The following CSMD1 variants were observed in gnomAD, a reference collection of about 807,000 sequenced individuals.
CSMD1 encodes CUB and Sushi multiple domains 1.
Under a neutral mutation model 417.5 loss-of-function variants are expected in CSMD1, and 213 were observed. That is an observed-to-expected ratio of 0.51 (90% CI 0.46 to 0.57). The LOEUF is 0.57. Among genes scored for constraint, CSMD1 ranks in the 20% least tolerant of loss-of-function variants. CSMD1 has a pLI of 0.00. For synonymous variants in CSMD1, 2,862 were observed against 1,736.8 expected (o/e 1.65, Z -16.11); for missense variants, 6,923 against 4,529.7 (o/e 1.53, Z -15.17).
intron 20 of CSMD1, among the ~76,000 whole-genome samples, chr8:3,361,893 T>C (rs899218990): frequency 1.6e-4 from 25 of 152,178 alleles, no homozygotes; most frequent in Admixed American, 1.4e-3. Context: ...GTTGTAACCA[T>C]CTTGATTAGG....
At chr8:4,169,358 C>A (rs926097929) in intron 3 of CSMD1, among the ~76,000 whole-genome samples, 1 of 152,130 alleles carries the variant, frequency 6.6e-6, no homozygotes, top group Non-Finnish European at 1.5e-5. Context: ...TAAATGGCGA[C>A]TGCGTTTTCC....
At chr8:3,566,578 T>C (rs762977312) in intron 10 of CSMD1, among the ~76,000 whole-genome samples, 9 of 132,214 alleles carry the variant, frequency 6.8e-5, no homozygotes, top group East Asian at 2.0e-4. Context: ...AAAAAGAACT[T>C]AGATTTTCAA....
chr8:4,286,676 G>C (rs1470160816), intron 3 of CSMD1, among the ~76,000 whole-genome samples: 1 of 152,166 alleles, frequency 6.6e-6, no homozygotes, highest in Admixed American at 6.6e-5. Context: ...TACTGATTTT[G>C]TAGGGCCACA....
chr8:4,916,729 G>A (rs541445695), intron 1 of CSMD1, among the ~76,000 whole-genome samples: 79 of 152,220 alleles, frequency 5.2e-4, no homozygotes, highest in African/African-American at 1.6e-3. Context: ...TTGTGATATC[G>A]CAAAGAATAA....
chr8:3,764,032 C>A (rs995329193), intron 5 of CSMD1, among the ~76,000 whole-genome samples: 1 of 152,146 alleles, frequency 6.6e-6, no homozygotes. Flanking sequence ...TGGCACACAG[C>A]CACCCCTTGT....
intron 41 of CSMD1, among the ~76,000 whole-genome samples, chr8:3,123,609 GA>G (rs11390313): frequency 7.6e-4 from 115 of 150,898 alleles, no homozygotes; most frequent in Admixed American, 6.2e-3. Flanking sequence ...AAAACGTTAA[GA>G]AAAAAAAACA....
chr8:4,269,379 C>A (rs1203690050), intron 3 of CSMD1, among the ~76,000 whole-genome samples: 2 of 152,142 alleles, frequency 1.3e-5, no homozygotes, highest in South Asian at 2.1e-4. Flanking sequence ...TTTTCATCTT[C>A]ATTGTGCTTT....
At chr8:3,941,413 T>C (rs940254460) in intron 5 of CSMD1, among the ~76,000 whole-genome samples, 5 of 152,154 alleles carry the variant, frequency 3.3e-5, no homozygotes, top group Admixed American at 6.6e-5. Context: ...AAATTGTAAA[T>C]ATTTCTGTCC....
chr8:4,732,759 A>T (rs1211570921), intron 1 of CSMD1, among the ~76,000 whole-genome samples: 1 of 152,170 alleles, frequency 6.6e-6, no homozygotes, highest in East Asian at 1.9e-4. Flanking sequence ...CTAAGCAGGC[A>T]TTTTATAGCT....
In CSMD1 at chr8:4,705,021, T is replaced by C. The variant is rs188428426; in HGVS notation, c.86-67463A>G. On this transcript the variant is annotated intron_variant, in intron 1 of 69. Coordinates refer to ENST00000635120, the MANE Select transcript of CSMD1 (RefSeq NM_033225.6). Reference sequence around the variant, plus strand: ...GGAAGCGTCCTGTAATTTTGGATCATGGTAGTTATTTTTCCCATGCTGTTC... The same window carrying C: ...GGAAGCGTCCTGTAATTTTGGATCACGGTAGTTATTTTTCCCATGCTGTTC... 3.3e-4 allele frequency among the ~76,000 whole-genome samples: 51 copies of C among 152,304 alleles called. No homozygotes were observed. The East Asian group carries it at 8.7e-3, about 26-fold the overall frequency.
At chr8:3,155,613 C>T (rs896059966) in intron 39 of CSMD1, among the ~76,000 whole-genome samples, 1 of 151,584 alleles carries the variant, frequency 6.6e-6, no homozygotes, top group African/African-American at 2.4e-5. Context: ...GTGATCCACT[C>T]GCCTCAGCCT....
chr8:4,771,830 C>T (rs908590331), intron 1 of CSMD1, among the ~76,000 whole-genome samples: 3 of 152,244 alleles, frequency 2.0e-5, no homozygotes, highest in Middle Eastern at 3.4e-3. Context: ...ATCAACGATA[C>T]CTTTTCTGTT....
Position 4,580,731 on chromosome 8 carries a change from C to G in CSMD1, c.302+56611G>C, listed in dbSNP as rs544845017. ...CAGGAAGCCCTTCCTGATTAAATCA[C>G]CCCAAATCAATCTCTCTCCCTTTGA... On this transcript the variant is annotated intron_variant, in intron 2 of 69. Coordinates refer to ENST00000635120, the MANE Select transcript of CSMD1 (RefSeq NM_033225.6). Among the ~76,000 whole-genome samples the G allele has an allele frequency of 3.9e-5, 6 of 152,320 alleles. No individual in the cohort carries two copies. The South Asian group carries it at 1.2e-3, about 32-fold the overall frequency.
intron 3 of CSMD1, among the ~76,000 whole-genome samples, chr8:4,304,059 A>G (rs1798122152): frequency 6.6e-6 from 1 of 152,204 alleles, no homozygotes; most frequent in Admixed American, 6.6e-5. Flanking sequence ...AGGGGATCAC[A>G]AAGCCTCGAT....
At chr8:3,121,632 T>C (rs1235528969) in intron 41 of CSMD1, among the ~76,000 whole-genome samples, 1 of 152,160 alleles carries the variant, frequency 6.6e-6, no homozygotes, top group Non-Finnish European at 1.5e-5. Context: ...CTCTTTTACC[T>C]ACTATCTAAA....
At position 3,671,818 on chromosome 8, in the gene CSMD1, G is replaced by C. The variant is rs536180705; in HGVS notation, c.1009+36596C>G. On this transcript the variant is annotated intron_variant, in intron 7 of 69. Transcript: ENST00000635120. ...CCTGGGCTTGGAGCCTAGAACTTCA[G>C]TTCTTGAGCAATGACTTGAAAGCAG... 5.1e-3 allele frequency among the ~76,000 whole-genome samples: 774 copies of C among 151,960 alleles called. 1 individual carries two copies. The highest frequency in any genetic ancestry group is 7.0e-3 in the Non-Finnish European group (476 of 67,954).
intron 37 of CSMD1, among the ~76,000 whole-genome samples, chr8:3,163,414 G>GAAA (rs77591108): frequency 1.5e-5 from 2 of 136,274 alleles, no homozygotes; most frequent in Admixed American, 7.4e-5. Flanking sequence ...TAATCAGAAG[G>GAAA]AAAAAAAAAA....
chr8:4,229,466 C>A (rs560537431), intron 3 of CSMD1, among the ~76,000 whole-genome samples: 1 of 152,230 alleles, frequency 6.6e-6, no homozygotes, highest in African/African-American at 2.4e-5. Context: ...CCACAATCAC[C>A]AACAAGCACT....
At chr8:4,907,008 T>C (rs1805326197) in intron 1 of CSMD1, among the ~76,000 whole-genome samples, 2 of 152,252 alleles carry the variant, frequency 1.3e-5, no homozygotes. Flanking sequence ...TTAATTCATC[T>C]ATATGTCTTA....
Sources: allele counts gnomAD v4.1 joint callset (sites outside exome capture counted in the v4.1 genomes callset), GRCh38; gene constraint gnomAD v4.1.1; transcripts MANE v1.5; gene names NCBI Gene and HGNC (gene_info 2026-07-23, HGNC 2026-07-21).